The following PRR16 variants were observed in gnomAD, a reference collection of about 807,000 sequenced individuals.
PRR16 encodes proline rich 16.
In PRR16, 6 loss-of-function variants were observed where a neutral mutation model predicts 18.2. That is an observed-to-expected ratio of 0.33 (90% CI 0.18 to 0.65). The LOEUF is 0.65. Ranked by LOEUF, PRR16 falls within the 30% of genes least tolerant of loss-of-function variation. The probability of loss-of-function intolerance (pLI) is 0.74; values close to 1 mark genes in which losing one functional copy is unlikely to be tolerated. For missense variants in PRR16, 412 were observed against 376.6 expected (o/e 1.09, Z -0.78); for synonymous variants, 151 against 147.8 (o/e 1.02, Z -0.16).
chr5:120,771,102 AAGTT>A, the PRR16 span, among the ~76,000 whole-genome samples: 1 of 152,016 alleles, frequency 6.6e-6, no homozygotes, highest in Non-Finnish European at 1.5e-5. Flanking sequence ...CAAATTAAGT[AAGTT>A]AGATGTATTT....
At chr5:120,526,876 A>G (rs937589562) in intron 1 of PRR16, among the ~76,000 whole-genome samples, 1 of 152,132 alleles carries the variant, frequency 6.6e-6, no homozygotes, top group Admixed American at 6.6e-5. Context: ...GGTATGAGCC[A>G]TCACTCCCAG....
chr5:120,704,331 T>C, the PRR16 span, among the ~76,000 whole-genome samples: 1 of 152,166 alleles, frequency 6.6e-6, no homozygotes, highest in African/African-American at 2.4e-5. Flanking sequence ...ACTGACATTA[T>C]TGGCTTGAGA....
chr5:120,791,507 A>T, the PRR16 span, among the ~76,000 whole-genome samples: 4 of 151,130 alleles, frequency 2.6e-5, no homozygotes, highest in Non-Finnish European at 5.9e-5. Context: ...AGAACATAAT[A>T]ATTAGATTAA....
At chr5:120,664,374 C>T (rs1284175774) in intron 1 of PRR16, among the ~76,000 whole-genome samples, 1 of 151,776 alleles carries the variant, frequency 6.6e-6, no homozygotes, top group Non-Finnish European at 1.5e-5. Context: ...GGTACTCGTG[C>T]TGCAACCCTG....
At chr5:120,644,658 A>T (rs1755532850) in intron 1 of PRR16, among the ~76,000 whole-genome samples, 1 of 152,138 alleles carries the variant, frequency 6.6e-6, no homozygotes, top group Non-Finnish European at 1.5e-5. Flanking sequence ...GAAGTCCAGC[A>T]TTACCTCATT....
the PRR16 span, among the ~76,000 whole-genome samples, chr5:120,765,058 T>TG: frequency 6.6e-6 from 1 of 152,058 alleles, no homozygotes; most frequent in Non-Finnish European, 1.5e-5. Context: ...ATCCTCTGTC[T>TG]TTTGAAACCT....
chr5:120,646,912 TG>T (rs1755620622), intron 1 of PRR16, among the ~76,000 whole-genome samples: 2 of 152,008 alleles, frequency 1.3e-5, no homozygotes, highest in African/African-American at 4.8e-5. Context: ...ATTGTTTTGT[TG>T]GATTTTTTTC....
At chr5:120,743,391 A>G in the PRR16 span, among the ~76,000 whole-genome samples, 1 of 151,804 alleles carries the variant, frequency 6.6e-6, no homozygotes, top group Non-Finnish European at 1.5e-5. Context: ...TTAAAAAAAA[A>G]TGTTTGAAGG....
At chr5:120,651,218 C>G (rs1457610382) in intron 1 of PRR16, among the ~76,000 whole-genome samples, 1 of 152,020 alleles carries the variant, frequency 6.6e-6, no homozygotes, top group African/African-American at 2.4e-5. Flanking sequence ...ATTGTAGATT[C>G]TGGATATTAG....
At chr5:120,609,094 T>C (rs1269270318) in intron 1 of PRR16, among the ~76,000 whole-genome samples, 2 of 152,136 alleles carry the variant, frequency 1.3e-5, no homozygotes, top group Admixed American at 6.6e-5. Flanking sequence ...TCTTTTTTTT[T>C]CAACAACTTT....
chr5:120,575,782 C>A (rs755099444), intron 1 of PRR16, among the ~76,000 whole-genome samples: 1 of 152,096 alleles, frequency 6.6e-6, no homozygotes, highest in Non-Finnish European at 1.5e-5. Flanking sequence ...CAACATAGTA[C>A]TGGGAGTTCT....
At chr5:120,792,113 A>G in the PRR16 span, among the ~76,000 whole-genome samples, 1 of 152,128 alleles carries the variant, frequency 6.6e-6, no homozygotes, top group African/African-American at 2.4e-5. Context: ...TTTCCCAAAA[A>G]TATTTGACAA....
chr5:120,705,218 T>A, the PRR16 span, among the ~76,000 whole-genome samples: 1 of 152,258 alleles, frequency 6.6e-6, no homozygotes, highest in Admixed American at 6.5e-5. Context: ...GTATATATAA[T>A]GTTATGTTAA....
chr5:120,704,181 T>C, the PRR16 span, among the ~76,000 whole-genome samples: 2 of 152,228 alleles, frequency 1.3e-5, no homozygotes, highest in East Asian at 1.9e-4. Context: ...AAAAATTTTG[T>C]TGGTGGTGGA....
intron 1 of PRR16, among the ~76,000 whole-genome samples, chr5:120,483,375 A>T (rs1369815160): frequency 6.6e-6 from 1 of 152,168 alleles, no homozygotes; most frequent in Non-Finnish European, 1.5e-5. Context: ...TCTTGGCCAG[A>T]ACTTTACTAT....
At chr5:120,759,971 T>C in the PRR16 span, among the ~76,000 whole-genome samples, 7 of 152,160 alleles carry the variant, frequency 4.6e-5, no homozygotes, top group Non-Finnish European at 8.8e-5. Flanking sequence ...TATTGCTCTC[T>C]GAAGGGGGTG....
At chr5:120,676,359 T>G (rs947580989) in intron 1 of PRR16, among the ~76,000 whole-genome samples, 2 of 152,100 alleles carry the variant, frequency 1.3e-5, no homozygotes, top group South Asian at 4.1e-4. Flanking sequence ...ATTCTACCTT[T>G]TGAAATGTAT....
At chr5:120,745,461 G>A in the PRR16 span, among the ~76,000 whole-genome samples, 1 of 151,878 alleles carries the variant, frequency 6.6e-6, no homozygotes, top group Non-Finnish European at 1.5e-5. Context: ...ATTTTTTCAG[G>A]ATGTCTTAGA....
intron 1 of PRR16, among the ~76,000 whole-genome samples, chr5:120,661,583 A>C (rs1348918866): frequency 6.6e-6 from 1 of 152,022 alleles, no homozygotes; most frequent in Non-Finnish European, 1.5e-5. Flanking sequence ...ATGTATATCA[A>C]CTTTATATAT....
Sources: allele counts gnomAD v4.1 joint callset (sites outside exome capture counted in the v4.1 genomes callset), GRCh38; gene constraint gnomAD v4.1.1; transcripts MANE v1.5; gene names NCBI Gene and HGNC (gene_info 2026-07-23, HGNC 2026-07-21).